TANC1: variants seen among roughly 807,000 people sequenced by gnomAD.
The protein encoded by TANC1 is protein TANC1.
Under a neutral mutation model 149.7 loss-of-function variants are expected in TANC1, and 77 were observed. The observed-to-expected ratio is 0.51, with a 90% CI of 0.43 to 0.62. The LOEUF is 0.62. Among genes scored for constraint, TANC1 ranks in the 20% least tolerant of loss-of-function variants. The pLI is 0.00. For missense variants in TANC1, 1,985 were observed against 2,321.8 expected, an observed-to-expected ratio of 0.85 and a Z score of 2.98; for synonymous variants, 854 against 925.0, an observed-to-expected ratio of 0.92 and a Z score of 1.39.
At chr2:159,158,084 G>A (rs1196233655) in intron 7 of TANC1, among the ~76,000 whole-genome samples, 2 of 152,156 alleles carry the variant, frequency 1.3e-5, no homozygotes, top group Non-Finnish European at 2.9e-5. Context: ...GGCCGGGCAT[G>A]GTGGGTCACG....
At chr2:159,033,933 A>G (rs1173957601) in intron 2 of TANC1, among the ~76,000 whole-genome samples, 2 of 152,204 alleles carry the variant, frequency 1.3e-5, no homozygotes, top group Non-Finnish European at 2.9e-5. Context: ...GCAAGAAAAT[A>G]TGGATCCTCA....
At chr2:159,167,867 T>A (rs555594476) in intron 8 of TANC1, among the ~76,000 whole-genome samples, 1 of 152,236 alleles carries the variant, frequency 6.6e-6, no homozygotes, top group East Asian at 1.9e-4. Flanking sequence ...GTAGGACGGA[T>A]GGCACTGGTC....
intron 2 of TANC1, among the ~76,000 whole-genome samples, chr2:159,003,227 GC>G (rs1292137396): frequency 6.6e-6 from 1 of 152,124 alleles, no homozygotes; most frequent in African/African-American, 2.4e-5. Flanking sequence ...CCCCTTTTCT[GC>G]CCCTTTTCAC....
intron 1 of TANC1, among the ~76,000 whole-genome samples, chr2:158,994,612 T>C (rs2035971564): frequency 6.6e-6 from 1 of 152,236 alleles, no homozygotes; most frequent in Non-Finnish European, 1.5e-5. Flanking sequence ...TTAGTTGTCA[T>C]TGAGAATGAA....
chr2:159,141,567 G>A (rs917122277), intron 5 of TANC1, among the ~76,000 whole-genome samples: 1 of 152,160 alleles, frequency 6.6e-6, no homozygotes, highest in African/African-American at 2.4e-5. Context: ...TTTGGTTTGA[G>A]TTCAGTTTCA....
chr2:158,983,515 T>C (rs1400005408), intron 1 of TANC1, among the ~76,000 whole-genome samples: 1 of 149,374 alleles, frequency 6.7e-6, no homozygotes, highest in Non-Finnish European at 1.5e-5. Context: ...AAAAGTAGTA[T>C]TTTATTATTG....
At chr2:159,122,429 T>TA (rs542704779) in intron 4 of TANC1, among the ~76,000 whole-genome samples, 25 of 150,036 alleles carry the variant, frequency 1.7e-4, no homozygotes, top group Non-Finnish European at 2.8e-4. Context: ...CTTTTCTAAC[T>TA]AAAAAAAAAA....
intron 5 of TANC1, among the ~76,000 whole-genome samples, chr2:159,139,173 G>A (rs1333346954): frequency 6.6e-6 from 1 of 152,136 alleles, no homozygotes; most frequent in Non-Finnish European, 1.5e-5. Flanking sequence ...TTTGAGAACA[G>A]CCTGAGCAGC....
Position 159,097,663 on chromosome 2 carries a change from C to T in TANC1, c.88C>T (p.Pro30Ser), listed in dbSNP as rs34588551. ...AAGTGACTTTGGTCCAGAGACTTCT[C>T]CAGTCCTGCACCTTGACCACAGTGC... Reference protein sequence around the residue: ...AGSDFGPETSPVLHLDHSADS... With the variant: ...AGSDFGPETSSVLHLDHSADS... The change falls in exon 4 of 27, where the codon CCA (proline) becomes TCA (serine). Residue 30 changes from proline (P) to serine (S), a missense_variant. This residue lies in a region of TANC1 where 557 missense variants were observed against 612.9 expected (regional missense o/e 0.91). Transcript: ENST00000263635. 0.32 allele frequency: 515,146 copies of T among 1,613,248 alleles called. 91,058 individuals are homozygous for T. The highest frequency in any genetic ancestry group is 0.37 in the Non-Finnish European group (435,203 of 1,179,274).
Position 158,973,415 on chromosome 2 carries a change from T to C in TANC1, c.-126+4633T>C, listed in dbSNP as rs553101168. 2.9e-4 allele frequency among the ~76,000 whole-genome samples: 44 copies of C among 152,360 alleles called. No homozygotes were observed. The East Asian group carries it at 2.9e-3, about 10-fold the overall frequency. ...CACTCAGCTGTGACCTTTTCATGCATGTATACCCATGCAAAAATGGGATCC... is the reference window on the plus strand; with the variant it reads ...CACTCAGCTGTGACCTTTTCATGCACGTATACCCATGCAAAAATGGGATCC... On this transcript the variant is annotated intron_variant, in intron 1 of 26. Transcript: ENST00000263635.
At chr2:159,066,906 G>A (rs1281264355) in intron 3 of TANC1, among the ~76,000 whole-genome samples, 3 of 152,084 alleles carry the variant, frequency 2.0e-5, no homozygotes, top group East Asian at 1.9e-4. Flanking sequence ...TTTTTCTCTC[G>A]CTAGAAAAAC....
chr2:159,133,042 A>G (rs946995339), intron 4 of TANC1, among the ~76,000 whole-genome samples: 1 of 152,220 alleles, frequency 6.6e-6, no homozygotes, highest in Non-Finnish European at 1.5e-5. Context: ...GCTTACTATT[A>G]GAGAATAGTT....
At chr2:158,996,364 A>G (rs1447078102) in intron 1 of TANC1, among the ~76,000 whole-genome samples, 2 of 152,236 alleles carry the variant, frequency 1.3e-5, no homozygotes, top group African/African-American at 4.8e-5. Context: ...TCTCAAAACA[A>G]AAACAAAACT....
At chr2:159,158,068 T>C (rs1023135869) in intron 7 of TANC1, among the ~76,000 whole-genome samples, 6 of 152,162 alleles carry the variant, frequency 3.9e-5, no homozygotes, top group Admixed American at 3.9e-4. Flanking sequence ...CAGAGCAGTG[T>C]AGAGAGGCCG....
intron 2 of TANC1, chr2:159,060,027 A>T: frequency 2.1e-6 from 1 of 469,236 alleles, no homozygotes; most frequent in Non-Finnish European, 2.8e-6. Flanking sequence ...GCTGCTTCAG[A>T]CTCCCTGCTA....
At chr2:159,099,529 A>C (rs992005103) in intron 4 of TANC1, among the ~76,000 whole-genome samples, 2 of 152,068 alleles carry the variant, frequency 1.3e-5, no homozygotes, top group African/African-American at 4.8e-5. Flanking sequence ...CAAAACAAAA[A>C]AACTTTGCTT....
intron 9 of TANC1, 87 bp downstream of exon 9, chr2:159,169,459 A>G: frequency 7.3e-7 from 1 of 1,368,944 alleles, no homozygotes; most frequent in Non-Finnish European, 1.0e-6. Context: ...CATTGAAGCC[A>G]ACTGTGTTTA....
chr2:159,155,112 T>A (rs1337137376), intron 7 of TANC1, among the ~76,000 whole-genome samples: 1 of 152,258 alleles, frequency 6.6e-6, no homozygotes, highest in African/African-American at 2.4e-5. Flanking sequence ...ACTGAAAATG[T>A]GTTTTAAAGT....
At chr2:159,113,998 G>A (rs1313428299) in intron 4 of TANC1, among the ~76,000 whole-genome samples, 1 of 152,196 alleles carries the variant, frequency 6.6e-6, no homozygotes, top group Non-Finnish European at 1.5e-5. Flanking sequence ...CTGTGGGAAG[G>A]GTCTTGCCAG....
Sources: gnomAD v4.1 joint callset for allele counts (sites outside exome capture counted in the v4.1 genomes callset) on GRCh38, gnomAD v4.1.1 for gene constraint, gnomAD v4.1.1 regional missense constraint, MANE v1.5 for transcripts, NCBI Gene and HGNC (gene_info 2026-07-23, HGNC 2026-07-21) for gene names.